The following SIDT1 variants were observed in gnomAD, a reference collection of about 807,000 sequenced individuals.
The protein encoded by SIDT1 is SID1 transmembrane family member 1, also known as SID1 transmembrane family, member 1.
A neutral mutation model predicts 107.5 loss-of-function variants in SIDT1; 101 were observed. The ratio of observed to expected loss-of-function variants is 0.94; its 90% CI spans 0.80 to 1.11. The LOEUF (loss-of-function observed/expected upper bound fraction) is 1.11, where lower values mean the gene tolerates loss of function less well. SIDT1 is among the 50% of genes least tolerant of loss of function. The pLI, the probability that SIDT1 is intolerant of heterozygous loss-of-function variation, is 0.00. For missense variants in SIDT1, 1,076 were observed against 1,058.2 expected, an observed-to-expected ratio of 1.02 and a Z score of -0.23; for synonymous variants, 395 against 398.2, an observed-to-expected ratio of 0.99 and a Z score of 0.10.
At chr3:113,593,782 T>A (rs1260216588) in intron 10 of SIDT1, among the ~76,000 whole-genome samples, 1 of 152,192 alleles carries the variant, frequency 6.6e-6, no homozygotes, top group East Asian at 1.9e-4. Flanking sequence ...CTTTCTTAAG[T>A]GTCTAGAAAA....
intron 17 of SIDT1, among the ~76,000 whole-genome samples, chr3:113,609,771 G>A (rs1945609411): frequency 6.6e-6 from 1 of 152,110 alleles, no homozygotes; most frequent in Admixed American, 6.5e-5. Flanking sequence ...AAACTGCAGA[G>A]AATGATATCA....
intron 3 of SIDT1, among the ~76,000 whole-genome samples, chr3:113,571,513 A>ACACACACACACACAC (rs1576805884): frequency 2.5e-5 from 2 of 79,110 alleles, no homozygotes; most frequent in Admixed American, 1.2e-4. Context: ...CACACACATA[A>ACACACACACACACAC]ACTGTGCCAC....
chr3:113,603,200 G>T (rs1383303170), intron 12 of SIDT1, 50 bp downstream of exon 12: 1 of 1,560,220 alleles, frequency 6.4e-7, no homozygotes, highest in Non-Finnish European at 8.7e-7. Flanking sequence ...AAGTTTGGCA[G>T]TAGAATAAAC....
At chr3:113,608,616 T>C in intron 17 of SIDT1, 80 bp downstream of exon 17, 1 of 994,376 alleles carries the variant, frequency 1.0e-6, no homozygotes, top group East Asian at 2.4e-5. Flanking sequence ...GCCAAAGTCA[T>C]GCTTGCAAAG....
At chr3:113,550,848 G>C (rs34286076) in intron 1 of SIDT1, among the ~76,000 whole-genome samples, 18,810 of 151,982 alleles carry the variant, frequency 0.12, 1,198 homozygotes, top group Non-Finnish European at 0.15. Context: ...TCATCACCCA[G>C]ATTATTTTAT....
rs534874941 is a variant in SIDT1, at chr3:113,561,029, G to A, written c.223-5391G>A. Among the ~76,000 whole-genome samples the A allele has an allele frequency of 5.9e-5, 9 of 152,262 alleles. 1 individual carries two copies. Among genetic ancestry groups the A allele is most frequent in the Admixed American group, 5.2e-4 (8 of 15,296 alleles). On this transcript the variant is annotated intron_variant, in intron 1 of 24. Coordinates refer to ENST00000264852, the MANE Select transcript of SIDT1 (RefSeq NM_017699.3). Reference sequence around the variant, plus strand: ...AGATTTATGCAATAAAAGTGTTCTTGTTGTCATGACAACAGGAAAAAGCAA... The same window carrying A: ...AGATTTATGCAATAAAAGTGTTCTTATTGTCATGACAACAGGAAAAAGCAA...
chr3:113,613,627 G>T (rs1162595208), intron 19 of SIDT1, among the ~76,000 whole-genome samples: 4 of 152,166 alleles, frequency 2.6e-5, no homozygotes, highest in Non-Finnish European at 5.9e-5. Context: ...AGGGCACGCT[G>T]GTCATGATCC....
intron 1 of SIDT1, among the ~76,000 whole-genome samples, chr3:113,541,760 G>A (rs1938899828): frequency 6.6e-6 from 1 of 151,708 alleles, no homozygotes; most frequent in Admixed American, 6.6e-5. Flanking sequence ...TTTTTTCTCT[G>A]CTTTTTCAAT....
chr3:113,624,328 C>A (rs1257139765), intron 23 of SIDT1, among the ~76,000 whole-genome samples: 1 of 152,212 alleles, frequency 6.6e-6, no homozygotes, highest in Non-Finnish European at 1.5e-5. Context: ...TTTGCTTATT[C>A]TGGACATTTC....
intron 10 of SIDT1, among the ~76,000 whole-genome samples, chr3:113,599,040 G>C (rs1298836784): frequency 6.6e-6 from 1 of 152,224 alleles, no homozygotes; most frequent in African/African-American, 2.4e-5. Flanking sequence ...TGAGGCAGGA[G>C]GATCGCCTGA....
intron 4 of SIDT1, among the ~76,000 whole-genome samples, chr3:113,578,626 T>C (rs144239025): frequency 8.5e-4 from 130 of 152,146 alleles, no homozygotes; most frequent in African/African-American, 3.1e-3. Context: ...GGCAGAAGTA[T>C]TGCTTGAGGC....
At chr3:113,556,694 T>A (rs4682492) in intron 1 of SIDT1, among the ~76,000 whole-genome samples, 146,836 of 152,248 alleles carry the variant, frequency 0.96, 70,903 homozygotes, top group East Asian at 1. Context: ...GAAATGAAGA[T>A]AAGAAAATAT....
intron 14 of SIDT1, among the ~76,000 whole-genome samples, chr3:113,605,865 G>A (rs187419130): frequency 6.6e-6 from 1 of 152,006 alleles, no homozygotes; most frequent in East Asian, 1.9e-4. Context: ...AATTAGCTGA[G>A]TGGTGGCACA....
intron 1 of SIDT1, among the ~76,000 whole-genome samples, chr3:113,547,391 T>C (rs1419243441): frequency 6.6e-6 from 1 of 152,158 alleles, no homozygotes; most frequent in African/African-American, 2.4e-5. Flanking sequence ...ATACAGCAAA[T>C]ATAAGTTATA....
rs570952600 is a variant in SIDT1 at position 113,621,370 on chromosome 3, C to T, written c.2090+1644C>T. On this transcript the variant is annotated intron_variant, in intron 21 of 24. Coordinates refer to ENST00000264852, the MANE Select transcript of SIDT1 (RefSeq NM_017699.3). ...TTAGAATCACAACACTTTGGGAGGC[C>T]GAGGCAGGAGGATTGCTTGAGCCCA... is the stretch of plus-strand genomic sequence containing the variant. 2.0e-5 allele frequency among the ~76,000 whole-genome samples: 3 copies of T among 151,002 alleles called. No individual in the cohort carries two copies. The South Asian group carries it at 6.3e-4, about 32-fold the overall frequency.
intron 1 of SIDT1, among the ~76,000 whole-genome samples, chr3:113,562,283 T>C (rs890033401): frequency 2.6e-5 from 4 of 152,232 alleles, no homozygotes; most frequent in African/African-American, 9.6e-5. Context: ...TGTAAAATGA[T>C]GTAACTCTTT....
chr3:113,569,938 G>A (rs554329642), intron 3 of SIDT1, among the ~76,000 whole-genome samples: 1 of 152,254 alleles, frequency 6.6e-6, no homozygotes, highest in African/African-American at 2.4e-5. Context: ...ACCGAGTCTT[G>A]CTGTATCACC....
intron 20 of SIDT1, among the ~76,000 whole-genome samples, chr3:113,617,677 C>T (rs751164530): frequency 2.0e-5 from 3 of 152,214 alleles, no homozygotes; most frequent in Non-Finnish European, 2.9e-5. Flanking sequence ...GAGGCAAGTT[C>T]TCCTGCTTAC....
At chr3:113,582,789 A>G (rs1373732243) in intron 6 of SIDT1, among the ~76,000 whole-genome samples, 2 of 152,210 alleles carry the variant, frequency 1.3e-5, no homozygotes, top group East Asian at 1.9e-4. Flanking sequence ...AAATAAAAAA[A>G]ATAAATAAAT....
Sources: allele counts gnomAD v4.1 joint callset (sites outside exome capture counted in the v4.1 genomes callset), GRCh38; gene constraint gnomAD v4.1.1; transcripts MANE v1.5; gene names NCBI Gene and HGNC (gene_info 2026-07-23, HGNC 2026-07-21).